Variants in WDPCP observed in about 807,000 individuals in gnomAD.
WDPCP encodes WD repeat containing planar cell polarity effector.
In WDPCP, 71 loss-of-function variants were observed where a neutral mutation model predicts 93.1. The observed-to-expected ratio is 0.76, with a 90% confidence interval of 0.63 to 0.93. The LOEUF (loss-of-function observed/expected upper bound fraction) is 0.93. Among genes scored for constraint, WDPCP ranks in the 40% least tolerant of loss-of-function variants. The pLI, the probability that WDPCP is intolerant of heterozygous loss-of-function variation, is 0.00. For missense variants in WDPCP, 844 were observed against 887.4 expected (o/e 0.95, Z 0.62); for synonymous variants, 315 against 315.0 (o/e 1.00, Z 0.00).
At chr2:63,706,349 T>C (rs1353816213) in intron 2 of WDPCP, among the ~76,000 whole-genome samples, 2 of 152,176 alleles carry the variant, frequency 1.3e-5, no homozygotes, top group Non-Finnish European at 2.9e-5. Context: ...TGATGTTAGC[T>C]GGTTATTTTG....
intron 1 of WDPCP, among the ~76,000 whole-genome samples, chr2:63,511,213 A>G (rs2106088716): frequency 6.6e-6 from 1 of 152,330 alleles, no homozygotes; most frequent in African/African-American, 2.4e-5. Context: ...CTCTTCAAGA[A>G]GAACTACAAA....
At position 63,404,442 on chromosome 2, in the gene WDPCP, A is replaced by G. The variant is rs757207647; in HGVS notation, c.1041T>C (p.Val347=). The G allele has an allele frequency of 6.2e-7, 1 of 1,614,194 alleles. No individual in the cohort carries two copies. Among genetic ancestry groups the G allele is most frequent in the Non-Finnish European group, 8.5e-7 (1 of 1,180,024 alleles). Residue 347 remains valine, a synonymous_variant, in exon 10 of 18, where the codon GTT becomes GTC. Coordinates refer to ENST00000272321, the MANE Select transcript of WDPCP (RefSeq NM_015910.7). ...KSKAISCCRN[V]TEDKLILGCE... ...AGCCCAGAATCAGTTTGTCTTCAGT[A>G]ACATTCCTGCAGCAGCTGATGGCCT...
chr2:63,132,323 C>T (rs1670341928), intron 17 of WDPCP, among the ~76,000 whole-genome samples: 1 of 151,592 alleles, frequency 6.6e-6, no homozygotes, highest in Non-Finnish European at 1.5e-5. Flanking sequence ...TTGTATGTCT[C>T]TTTGGGTTTA....
At chr2:63,810,303 T>G (rs1670844923) in intron 2 of WDPCP, among the ~76,000 whole-genome samples, 1 of 152,244 alleles carries the variant, frequency 6.6e-6, no homozygotes, top group Non-Finnish European at 1.5e-5. Context: ...TGTCCTGCTG[T>G]GTTGACCTGT....
chr2:63,810,435 T>G (rs1670847816), intron 2 of WDPCP, among the ~76,000 whole-genome samples: 1 of 152,136 alleles, frequency 6.6e-6, no homozygotes, highest in Admixed American at 6.5e-5. Flanking sequence ...GTTTACAAAA[T>G]AAGAAGACAG....
chr2:63,603,203 A>G (rs986677861), intron 3 of WDPCP, among the ~76,000 whole-genome samples: 1 of 151,422 alleles, frequency 6.6e-6, no homozygotes, highest in Non-Finnish European at 1.5e-5. Flanking sequence ...TGATCCTCCC[A>G]CCTCGGCCTC....
intron 15 of WDPCP, among the ~76,000 whole-genome samples, chr2:63,173,845 T>C (rs913924660): frequency 6.6e-6 from 1 of 152,248 alleles, no homozygotes; most frequent in Non-Finnish European, 1.5e-5. Context: ...GGTGGGTATG[T>C]ATAATTGATA....
chr2:63,270,728 A>G (rs1386990684), intron 13 of WDPCP, among the ~76,000 whole-genome samples: 4 of 152,118 alleles, frequency 2.6e-5, no homozygotes, highest in Non-Finnish European at 4.4e-5. Context: ...TTAAAGTGAG[A>G]GGTTTATAAG....
At chr2:63,337,306 C>T (rs1030350440) in intron 12 of WDPCP, among the ~76,000 whole-genome samples, 5 of 115,000 alleles carry the variant, frequency 4.3e-5, no homozygotes, top group African/African-American at 1.5e-4. Context: ...CACGTCGTAG[C>T]AAGTGACATG....
At chr2:63,387,050 C>T (rs1216013704) in intron 10 of WDPCP, among the ~76,000 whole-genome samples, 1 of 152,048 alleles carries the variant, frequency 6.6e-6, no homozygotes, top group Non-Finnish European at 1.5e-5. Context: ...CCAAATTCTA[C>T]CACGTGTATA....
intron 14 of WDPCP, among the ~76,000 whole-genome samples, chr2:63,226,378 A>G (rs1193711971): frequency 6.6e-6 from 1 of 151,880 alleles, no homozygotes; most frequent in African/African-American, 2.4e-5. Context: ...AGGAAAAAAA[A>G]GACTATATAT....
upstream of WDPCP, chr2:63,588,981 A>C (rs556625759): frequency 1.9e-6 from 3 of 1,612,558 alleles, no homozygotes; most frequent in Non-Finnish European, 2.5e-6. Flanking sequence ...TCCGCGGTAG[A>C]GGTGACCTGA....
At chr2:63,805,477 C>T (rs1261805590) in intron 2 of WDPCP, among the ~76,000 whole-genome samples, 1 of 152,160 alleles carries the variant, frequency 6.6e-6, no homozygotes, top group African/African-American at 2.4e-5. Context: ...TTGAAACTGA[C>T]TCAGTTTGGT....
chr2:63,476,278 G>A (rs1361349426), intron 6 of WDPCP, among the ~76,000 whole-genome samples: 1 of 152,082 alleles, frequency 6.6e-6, no homozygotes, highest in Non-Finnish European at 1.5e-5. Context: ...CCCCGACGAG[G>A]AAGTTCCAAG....
chr2:63,476,955 T>C (rs17027922), intron 6 of WDPCP, among the ~76,000 whole-genome samples: 2,501 of 152,304 alleles, frequency 0.016, 79 homozygotes, highest in African/African-American at 0.057. Flanking sequence ...CTATCTTTAG[T>C]TGACCTTTTA....
At chr2:63,839,012 G>C in the WDPCP span, among the ~76,000 whole-genome samples, 1 of 152,178 alleles carries the variant, frequency 6.6e-6, no homozygotes, top group Non-Finnish European at 1.5e-5. Flanking sequence ...ACTTCTCTAA[G>C]AACTAGTGAC....
chr2:63,422,882 G>C (rs1476824526), intron 9 of WDPCP, among the ~76,000 whole-genome samples: 1 of 152,196 alleles, frequency 6.6e-6, no homozygotes, highest in Non-Finnish European at 1.5e-5. Flanking sequence ...TACAGAAAAA[G>C]AAAGGATGGA....
intron 13 of WDPCP, among the ~76,000 whole-genome samples, chr2:63,295,778 G>GAAC (rs146176174): frequency 0.81 from 120,781 of 149,112 alleles, 49,545 homozygotes; most frequent in East Asian, 0.96. Context: ...AAAAATCTTC[G>GAAC]AACAACAACA....
At position 63,313,590 on chromosome 2, in the gene WDPCP, C is replaced by T. The variant is rs191977218; in HGVS notation, c.1749-279G>A. Reference sequence around the variant, plus strand: ...GCTGACTATGATAGCTTAGAAAATACGTTGCCTCTTCTTGTTAGTACCTCC... The same window carrying T: ...GCTGACTATGATAGCTTAGAAAATATGTTGCCTCTTCTTGTTAGTACCTCC... On this transcript the variant is annotated intron_variant, in intron 12 of 17. Coordinates refer to ENST00000272321, the MANE Select transcript of WDPCP (RefSeq NM_015910.7). 5.3e-5 allele frequency among the ~76,000 whole-genome samples: 8 copies of T among 152,102 alleles called. No homozygotes were observed. The East Asian group carries it at 9.7e-4, about 18-fold the overall frequency.
Sources: gnomAD v4.1 joint callset for allele counts (sites outside exome capture counted in the v4.1 genomes callset) on GRCh38, gnomAD v4.1.1 for gene constraint, MANE v1.5 for transcripts, NCBI Gene and HGNC (gene_info 2026-07-23, HGNC 2026-07-21) for gene names.